CYS1: variants seen among roughly 807,000 people sequenced by gnomAD.
CYS1 encodes the protein cystin 1.
A neutral mutation model predicts 9.6 loss-of-function variants in CYS1; 5 were observed. That is an observed-to-expected ratio of 0.52 (90% CI 0.27 to 1.10). The LOEUF (loss-of-function observed/expected upper bound fraction) is 1.10. Ranked by LOEUF, CYS1 falls within the 50% of genes least tolerant of loss-of-function variation. The probability of loss-of-function intolerance (pLI) is 0.11; values close to 1 mark genes in which losing one functional copy is unlikely to be tolerated. For missense variants in CYS1, 221 were observed against 207.9 expected (o/e 1.06, Z -0.39); for synonymous variants, 88 against 95.7 (o/e 0.92, Z 0.47).
chr2:10,062,812 C>CCGTA (rs1448840754), intron 2 of CYS1, among the ~76,000 whole-genome samples: 2 of 152,234 alleles, frequency 1.3e-5, no homozygotes, highest in Non-Finnish European at 1.5e-5. Flanking sequence ...CTCACCAATA[C>CCGTA]CGTAATGTGT....
At chr2:10,078,583 C>A (rs977871944) in intron 1 of CYS1, among the ~76,000 whole-genome samples, 1 of 152,218 alleles carries the variant, frequency 6.6e-6, no homozygotes, top group African/African-American at 2.4e-5. Flanking sequence ...GTCCACAGAC[C>A]CTTCCAGATT....
chr2:10,067,109 G>C (rs1273154441), intron 1 of CYS1, among the ~76,000 whole-genome samples: 1 of 151,958 alleles, frequency 6.6e-6, no homozygotes, highest in African/African-American at 2.4e-5. Context: ...TCTGCCTCCC[G>C]GATTCAAGTG....
At position 10,076,562 on chromosome 2, in the gene CYS1, C is replaced by T. The variant is rs1661846666; in HGVS notation, c.318+3344G>A. 6.6e-6 allele frequency among the ~76,000 whole-genome samples: 1 copy of T among 152,182 alleles called. No homozygotes were observed. Among genetic ancestry groups the T allele is most frequent in the African/African-American group, 2.4e-5 (1 of 41,436 alleles). On this transcript the variant is annotated intron_variant, in intron 1 of 2. Coordinates refer to ENST00000381813, the MANE Select transcript of CYS1 (RefSeq NM_001037160.3). The surrounding 1 kb of genome is among the most constrained non-coding windows in gnomAD (Gnocchi z 4.3). Reference sequence around the variant, plus strand: ...TCTCAGGCTTCCCGCATATATCCCACCAAGCAGCACTTCCAGCAGCTGAGC... The same window carrying T: ...TCTCAGGCTTCCCGCATATATCCCATCAAGCAGCACTTCCAGCAGCTGAGC...
At position 10,080,095 on chromosome 2, in the gene CYS1, G is replaced by A. The variant is rs1661922534; in HGVS notation, c.129C>T (p.Ala43=). 2 of 1,028,348 alleles carry A rather than the reference G, an allele frequency of 1.9e-6. No homozygotes were observed. Among genetic ancestry groups the A allele is most frequent in the Non-Finnish European group, 2.3e-6 (2 of 859,616 alleles). 63.7% of individuals were successfully genotyped at this position (1,028,348 alleles called of 1,614,324 possible). ...CCTCCGCGGCTGCCCCCGGGACCTC[G>A]GCCGCCGCCACCGGCACCCGCCGGC... is the stretch of plus-strand genomic sequence containing the variant. ...GTRRRVPVAA[A]EVPGAAAEEA... Residue 43 remains alanine, a synonymous_variant, in exon 1 of 3, where the codon GCC becomes GCT. Coordinates refer to ENST00000381813, the MANE Select transcript of CYS1 (RefSeq NM_001037160.3). The surrounding 1 kb of genome is among the most constrained non-coding windows in gnomAD (Gnocchi z 6.4).
At chr2:10,077,292 AAAAAACAAAAAC>A (rs1389045837) in intron 1 of CYS1, among the ~76,000 whole-genome samples, 1 of 152,176 alleles carries the variant, frequency 6.6e-6, no homozygotes, top group African/African-American at 2.4e-5. Flanking sequence ...ACTCTGTCTC[AAAAAACAAAAAC>A]AAAAACAAAA....
In CYS1 at chr2:10,071,916, C is replaced by T. The variant is rs905031950; in HGVS notation, c.319-5960G>A. ...CTGTTTGTATGTGTATGTTTGTGTG[C>T]GTGCGAGGGGTGTGTGTCATCCCTT... On this transcript the variant is annotated intron_variant, in intron 1 of 2. Coordinates refer to ENST00000381813, the MANE Select transcript of CYS1 (RefSeq NM_001037160.3). Among the ~76,000 whole-genome samples the T allele has an allele frequency of 7.2e-5, 11 of 152,060 alleles. 1 individual carries two copies. The highest frequency in any genetic ancestry group is 9.7e-5 in the African/African-American group (4 of 41,386).
intron 1 of CYS1, among the ~76,000 whole-genome samples, chr2:10,071,034 C>A (rs558628881): frequency 6.6e-6 from 1 of 152,122 alleles, no homozygotes; most frequent in Admixed American, 6.5e-5. Context: ...TGGCGTGATT[C>A]GGCTCACTGC....
chr2:10,080,199 T>C lies in CYS1; in HGVS notation c.25A>G (p.Ser9Gly), dbSNP rs1031774688. The change falls in exon 1 of 3, where the codon AGC becomes GGC. Residue 9 changes from serine to glycine, a missense_variant. Transcript: ENST00000381813. This position sits in a 1 kb window ranked among gnomAD's most constrained non-coding sequence, Gnocchi z 6.4. ...CTGCGCCGCCGCCTCAGAGTCCGGC[T>C]GCTCCGGCTGCTGCCGCTGCCCATG... is the stretch of plus-strand genomic sequence containing the variant. MGSGSSRS[S>G]RTLRRRRSPE... 4.7e-4 allele frequency: 503 copies of C among 1,063,298 alleles called. 2 individuals are homozygous for C. The African/African-American group carries it at 8.0e-3, about 17-fold the overall frequency. 65.9% of individuals were successfully genotyped at this position (1,063,298 alleles called of 1,614,324 possible).
Position 10,058,900 on chromosome 2 carries a change from A to G in CYS1, c.430T>C (p.Ser144Pro), listed in dbSNP as rs1246322094. ...ATGCTCGCCATCAGCCCCTCTTCCG[A>G]GTGGTCGTAGGAGATGGCTGCCGGC... ...ERPAAISYDH[S>P]EEGLMASIER... The change falls in exon 3 of 3, where the codon TCG becomes CCG. Residue 144 changes from serine (S) to proline (P), a missense_variant. Coordinates refer to ENST00000381813, the MANE Select transcript of CYS1 (RefSeq NM_001037160.3). 1.9e-6 allele frequency: 3 copies of G among 1,595,712 alleles called. No homozygotes were observed. Among genetic ancestry groups the G allele is most frequent in the Non-Finnish European group, 2.6e-6 (3 of 1,171,738 alleles).
intron 1 of CYS1, among the ~76,000 whole-genome samples, chr2:10,067,164 C>T (rs112004170): frequency 0.075 from 11,324 of 151,952 alleles, 530 homozygotes; most frequent in Non-Finnish European, 0.11. Context: ...TACAGGTGCC[C>T]GCCACCACAC....
At chr2:10,061,029 C>G (rs1342758586) in intron 2 of CYS1, among the ~76,000 whole-genome samples, 1 of 152,102 alleles carries the variant, frequency 6.6e-6, no homozygotes, top group Non-Finnish European at 1.5e-5. Context: ...CTCAGGAGTT[C>G]GAGACCAGCC....
chr2:10,079,032 G>A (rs1253894234), intron 1 of CYS1, among the ~76,000 whole-genome samples: 1 of 152,196 alleles, frequency 6.6e-6, no homozygotes, highest in Non-Finnish European at 1.5e-5. Flanking sequence ...GGTATTAAAG[G>A]AATCTTGTTA....
chr2:10,057,799 T>G lies in CYS1; in HGVS notation c.*1054A>C, dbSNP rs933909486. On this transcript the variant is annotated 3_prime_UTR_variant, in exon 3 of 3. Transcript: ENST00000381813. ...CACACCTGGGCCCAGGCTCCAGACCTGCCCGCCCACACAGGAGTCCCCTCT... is the reference window on the plus strand; with the variant it reads ...CACACCTGGGCCCAGGCTCCAGACCGGCCCGCCCACACAGGAGTCCCCTCT... The G allele has an allele frequency of 6.6e-6, 1 of 152,418 alleles. No individual in the cohort carries two copies. Among genetic ancestry groups the G allele is most frequent in the African/African-American group, 2.4e-5 (1 of 41,436 alleles). 9.4% of individuals were successfully genotyped at this position (152,418 alleles called of 1,614,324 possible). A position where few individuals can be genotyped will look rare whatever the true frequency, so the allele number is the denominator to read the frequency against.
chr2:10,075,569 G>A (rs191001932), intron 1 of CYS1, among the ~76,000 whole-genome samples: 1 of 152,316 alleles, frequency 6.6e-6, no homozygotes, highest in East Asian at 1.9e-4. Context: ...TCCTTCTGTG[G>A]AGGTGCTGTC....
chr2:10,065,501 C>A (rs984772363), intron 2 of CYS1, among the ~76,000 whole-genome samples: 2 of 152,218 alleles, frequency 1.3e-5, no homozygotes, highest in African/African-American at 4.8e-5. Flanking sequence ...TCCCTGGTAA[C>A]GTGCTGTGGA....
chr2:10,080,102 G>C lies in CYS1; in HGVS notation c.122C>G (p.Ala41Gly). ...GGCTGCCCCCGGGACCTCGGCCGCC[G>C]CCACCGGCACCCGCCGGCGGGTCCC... ...EGGTRRRVPV[A>G]AAEVPGAAAE... The change falls in exon 1 of 3, where the codon GCG (alanine) becomes GGG (glycine). Residue 41 changes from alanine to glycine, a missense_variant. Transcript: ENST00000381813. This position sits in a 1 kb window ranked among gnomAD's most constrained non-coding sequence, Gnocchi z 6.4. 9.7e-7 allele frequency: 1 copy of C among 1,026,566 alleles called. No individual in the cohort carries two copies. Among genetic ancestry groups the C allele is most frequent in the Non-Finnish European group, 1.2e-6 (1 of 858,546 alleles). The allele number at this position is 1,026,566 out of a possible 1,614,324, so 63.6% of individuals were successfully genotyped here.
In CYS1 at chr2:10,058,816, T is replaced by C; in HGVS notation, c.*37A>G. The C allele has an allele frequency of 5.3e-6, 8 of 1,514,932 alleles. No homozygotes were observed. The highest frequency in any genetic ancestry group is 6.2e-6 in the Non-Finnish European group (7 of 1,122,782). 93.8% of individuals were successfully genotyped at this position (1,514,932 alleles called of 1,614,324 possible). On this transcript the variant is annotated 3_prime_UTR_variant, in exon 3 of 3. Coordinates refer to ENST00000381813, the MANE Select transcript of CYS1 (RefSeq NM_001037160.3). ...AGCAGAGGGTGCCCCAGCCAGCAGG[T>C]GCCTCCGAGGCCTGGCGGGGGTGGA...
At chr2:10,066,167 TCA>T (rs1165064422) in intron 1 of CYS1, among the ~76,000 whole-genome samples, 2 of 152,152 alleles carry the variant, frequency 1.3e-5, no homozygotes, top group African/African-American at 4.8e-5. Context: ...CTTGGAAAGC[TCA>T]CACACAGAGC....
In CYS1 at chr2:10,058,548, G is replaced by A. The variant is rs1661581754; in HGVS notation, c.*305C>T. The A allele has an allele frequency of 3.2e-6, 1 of 309,266 alleles. No homozygotes were observed. Among genetic ancestry groups the A allele is most frequent in the South Asian group, 8.4e-5 (1 of 11,892 alleles). 19.2% of individuals were successfully genotyped at this position (309,266 alleles called of 1,614,324 possible). On this transcript the variant is annotated 3_prime_UTR_variant, in exon 3 of 3. Coordinates refer to ENST00000381813, the MANE Select transcript of CYS1 (RefSeq NM_001037160.3). ...CCCACTGTGGAGAGCGGGCAACCAAGAGGGGCACGCATTTCAGGCTCCAGA... is the reference window on the plus strand; with the variant it reads ...CCCACTGTGGAGAGCGGGCAACCAAAAGGGGCACGCATTTCAGGCTCCAGA...
Sources: allele counts gnomAD v4.1 joint callset (sites outside exome capture counted in the v4.1 genomes callset), GRCh38; gene constraint gnomAD v4.1.1; non-coding constraint Gnocchi (gnomAD v3.1); transcripts MANE v1.5; gene names NCBI Gene and HGNC (gene_info 2026-07-23, HGNC 2026-07-21).